The following DPYSL3 variants were observed in gnomAD, a reference collection of about 807,000 sequenced individuals.
The protein encoded by DPYSL3 is dihydropyrimidinase like 3.
Under a neutral mutation model 66.1 loss-of-function variants are expected in DPYSL3, and 16 were observed. The ratio of observed to expected loss-of-function variants is 0.24; its 90% CI spans 0.16 to 0.37. The LOEUF is 0.37. DPYSL3 is among the 10% of genes least tolerant of loss of function. The probability of loss-of-function intolerance (pLI) is 1.00; values close to 1 mark genes in which losing one functional copy is unlikely to be tolerated. For synonymous variants in DPYSL3, 338 were observed against 345.1 expected (o/e 0.98, Z 0.23); for missense variants, 738 against 916.2 (o/e 0.81, Z 2.51).
chr5:147,437,002 T>G (rs1752424913), intron 1 of DPYSL3, among the ~76,000 whole-genome samples: 1 of 152,166 alleles, frequency 6.6e-6, no homozygotes, highest in South Asian at 2.1e-4. Flanking sequence ...TGGACGGGCT[T>G]GAGTTAATGC....
chr5:147,429,478 G>A (rs1018595541), intron 1 of DPYSL3, among the ~76,000 whole-genome samples: 4 of 152,018 alleles, frequency 2.6e-5, no homozygotes, highest in African/African-American at 9.7e-5. Flanking sequence ...CTGCCAGTGT[G>A]CGTGTGTGTG....
At chr5:147,507,482 G>A (rs560606074) in intron 1 of DPYSL3, among the ~76,000 whole-genome samples, 1 of 152,074 alleles carries the variant, frequency 6.6e-6, no homozygotes, top group African/African-American at 2.4e-5. Flanking sequence ...AATTAAGGAG[G>A]TTTAGTGTAT....
chr5:147,429,163 G>A (rs1198972724), intron 1 of DPYSL3, among the ~76,000 whole-genome samples: 1 of 152,122 alleles, frequency 6.6e-6, no homozygotes, highest in Non-Finnish European at 1.5e-5. Flanking sequence ...GCATGCTGTG[G>A]TAATCTGAAG....
intron 1 of DPYSL3, among the ~76,000 whole-genome samples, chr5:147,471,714 A>G (rs1045846068): frequency 2.0e-5 from 3 of 152,182 alleles, no homozygotes; most frequent in Non-Finnish European, 4.4e-5. Flanking sequence ...GGTTCTTACA[A>G]AGGCAGATAA....
chr5:147,509,780 C>G lies in DPYSL3; in HGVS notation c.79G>C (p.Asp27His). ...PVYLARPGTT[D>H]QVPRQKYGGM... ...CCGTATTTCTGCCGCGGGACCTGGT[C>G]CGTGGTGCCCGGCCTGGCCAGGTAC... Residue 27 changes from aspartate (D) to histidine (H), a missense_variant, in exon 1 of 14, where the codon GAC becomes CAC. By Grantham distance (81) the Asp-to-His change is moderately conservative. Coordinates refer to ENST00000343218, the MANE Select transcript of DPYSL3 (RefSeq NM_001197294.2). The surrounding 1 kb of genome is among the most constrained non-coding windows in gnomAD (Gnocchi z 5.3). 6.5e-7 allele frequency: 1 copy of G among 1,536,002 alleles called. No homozygotes were observed. Among genetic ancestry groups the G allele is most frequent in the Non-Finnish European group, 8.7e-7 (1 of 1,146,806 alleles).
At chr5:147,493,901 C>A (rs1158101260) in intron 1 of DPYSL3, among the ~76,000 whole-genome samples, 1 of 152,110 alleles carries the variant, frequency 6.6e-6, no homozygotes, top group African/African-American at 2.4e-5. Flanking sequence ...GGATATTAAA[C>A]AATATAACTG....
At chr5:147,465,902 A>C (rs1328939806) in intron 1 of DPYSL3, among the ~76,000 whole-genome samples, 1 of 152,202 alleles carries the variant, frequency 6.6e-6, no homozygotes, top group African/African-American at 2.4e-5. Flanking sequence ...ATGTCGATCC[A>C]GGAACACTCC....
At chr5:147,471,172 G>A (rs968952658) in intron 1 of DPYSL3, among the ~76,000 whole-genome samples, 2 of 152,106 alleles carry the variant, frequency 1.3e-5, no homozygotes, top group Non-Finnish European at 2.9e-5. Context: ...GAATCCTAAA[G>A]TACTAATGGG....
At chr5:147,465,579 G>A (rs1040615525) in intron 1 of DPYSL3, among the ~76,000 whole-genome samples, 14 of 152,032 alleles carry the variant, frequency 9.2e-5, no homozygotes, top group African/African-American at 3.1e-4. Context: ...AGATTACAGG[G>A]GTGAGCCACT....
intron 4 of DPYSL3, among the ~76,000 whole-genome samples, chr5:147,414,002 T>C (rs974342095): frequency 4.6e-5 from 7 of 152,216 alleles, no homozygotes; most frequent in Non-Finnish European, 2.9e-5. Context: ...ACACCAGTTG[T>C]GTTCATACCC....
chr5:147,452,190 A>C (rs186809194), intron 1 of DPYSL3, among the ~76,000 whole-genome samples: 72 of 152,316 alleles, frequency 4.7e-4, no homozygotes, highest in Non-Finnish European at 9.8e-4. Flanking sequence ...TAGTAGGCGC[A>C]AGGGAGGCTT....
chr5:147,420,441 T>C (rs1308321993), intron 2 of DPYSL3, among the ~76,000 whole-genome samples: 1 of 152,176 alleles, frequency 6.6e-6, no homozygotes, highest in Non-Finnish European at 1.5e-5. Context: ...TAATGCTAGG[T>C]CCTTTGCATA....
intron 1 of DPYSL3, among the ~76,000 whole-genome samples, chr5:147,502,717 C>G (rs1450308949): frequency 6.6e-6 from 1 of 151,920 alleles, no homozygotes; most frequent in Non-Finnish European, 1.5e-5. Context: ...GCTGGGACTA[C>G]AGGCGCCTGC....
At chr5:147,425,959 C>G (rs72833339) in intron 1 of DPYSL3, among the ~76,000 whole-genome samples, 87 of 152,116 alleles carry the variant, frequency 5.7e-4, no homozygotes, top group Non-Finnish European at 9.3e-4. Flanking sequence ...AGAGGGTGGA[C>G]TTTGTGAAGA....
rs752468589 is a variant in DPYSL3, at chr5:147,509,379, C to T, written c.381+99G>A. ...TTTCCTCCTCCTTGTCCCCCAGCCCCGTGCAAAGTGAGCTGGAGAAAGTTG... is the reference window on the plus strand; with the variant it reads ...TTTCCTCCTCCTTGTCCCCCAGCCCTGTGCAAAGTGAGCTGGAGAAAGTTG... On this transcript the variant is annotated intron_variant, in intron 1 of 13. Coordinates refer to ENST00000343218, the MANE Select transcript of DPYSL3 (RefSeq NM_001197294.2). This position sits in a 1 kb window ranked among gnomAD's most constrained non-coding sequence, Gnocchi z 5.3. 2 of 1,392,214 alleles carry T rather than the reference C, an allele frequency of 1.4e-6. No individual in the cohort carries two copies. The highest frequency in any genetic ancestry group is 1.9e-6 in the Non-Finnish European group (2 of 1,058,826). The allele number at this position is 1,392,214 out of a possible 1,614,324, so 86.2% of individuals were successfully genotyped here. A position where few individuals can be genotyped will look rare whatever the true frequency, so the allele number is the denominator to read the frequency against.
intron 1 of DPYSL3, among the ~76,000 whole-genome samples, chr5:147,444,745 G>A (rs561709974): frequency 3.3e-5 from 5 of 151,668 alleles, no homozygotes; most frequent in South Asian, 2.1e-4. Flanking sequence ...GAATAAAAAC[G>A]AGTAATAAGA....
chr5:147,509,712 C>T lies in DPYSL3; in HGVS notation c.147G>A (p.Thr49=). The part of the protein sequence containing the change: ...CNVEGAFESK[T]LDFDALSVGQ... Reference sequence around the variant, plus strand: ...CCACGCTGAGGGCATCGAAATCCAGCGTCTTGCTCTCGAAGGCGCCCTCCA... The same window carrying T: ...CCACGCTGAGGGCATCGAAATCCAGTGTCTTGCTCTCGAAGGCGCCCTCCA... Residue 49 remains threonine, a synonymous_variant, in exon 1 of 14, where the codon ACG becomes ACA. Transcript: ENST00000343218. This position sits in a 1 kb window ranked among gnomAD's most constrained non-coding sequence, Gnocchi z 5.3. 2 of 1,535,994 alleles carry T rather than the reference C, an allele frequency of 1.3e-6. No homozygotes were observed. Among genetic ancestry groups the T allele is most frequent in the Non-Finnish European group, 1.7e-6 (2 of 1,146,800 alleles).
intron 1 of DPYSL3, among the ~76,000 whole-genome samples, chr5:147,444,204 A>T (rs1643165405): frequency 6.6e-6 from 1 of 152,100 alleles, no homozygotes. Context: ...AGTCACATAA[A>T]CTTAAGTTTG....
intron 1 of DPYSL3, among the ~76,000 whole-genome samples, chr5:147,490,734 T>C (rs1028980798): frequency 3.3e-5 from 5 of 152,060 alleles, no homozygotes; most frequent in African/African-American, 1.2e-4. Context: ...GAATCACATA[T>C]ACCCACACAG....
Sources: allele counts gnomAD v4.1 joint callset (sites outside exome capture counted in the v4.1 genomes callset), GRCh38; gene constraint gnomAD v4.1.1; non-coding constraint Gnocchi (gnomAD v3.1); transcripts MANE v1.5; gene names NCBI Gene and HGNC (gene_info 2026-07-23, HGNC 2026-07-21).